SPAG16: variants seen among roughly 807,000 people sequenced by gnomAD.
SPAG16 encodes the protein sperm-associated antigen 16 protein.
A neutral mutation model predicts 80.4 loss-of-function variants in SPAG16; 86 were observed. That is an observed-to-expected ratio of 1.07 (90% CI 0.90 to 1.28). The LOEUF is 1.28. Among genes scored for constraint, SPAG16 ranks in the 50% most tolerant of loss-of-function variants. The pLI, the probability that SPAG16 is intolerant of heterozygous loss-of-function variation, is 0.00. For missense variants in SPAG16, 870 were observed against 765.3 expected (o/e 1.14, Z -1.61); for synonymous variants, 294 against 265.9 (o/e 1.11, Z -1.03).
At chr2:213,528,579 A>G (rs904616924) in intron 10 of SPAG16, among the ~76,000 whole-genome samples, 6 of 152,242 alleles carry the variant, frequency 3.9e-5, no homozygotes, top group African/African-American at 1.4e-4. Flanking sequence ...ACCAGAAGTG[A>G]CTTGTTACTT....
chr2:214,210,105 A>T (rs894434417), intron 15 of SPAG16, among the ~76,000 whole-genome samples: 20 of 152,078 alleles, frequency 1.3e-4, no homozygotes, highest in African/African-American at 4.6e-4. Context: ...ATCAGCTGAA[A>T]CTCCAGGACA....
rs536717145 is a variant in SPAG16 at position 213,786,226 on chromosome 2, A to ATT, written c.1071-76259_1071-76258insTT. On this transcript the variant is annotated intron_variant, in intron 10 of 15. Transcript: ENST00000331683. ...AAGGAAACTTTCATCGTCCCATTTA[A>ATT]CATTTGCGCTTCTGTCGTAAAAGAA... Among the ~76,000 whole-genome samples, 148 of 152,238 alleles carry ATT rather than the reference A, an allele frequency of 9.7e-4. 1 individual carries two copies. Among genetic ancestry groups the ATT allele is most frequent in the African/African-American group, 3.4e-3 (141 of 41,554 alleles).
chr2:213,831,608 G>A (rs2073663134), intron 10 of SPAG16, among the ~76,000 whole-genome samples: 1 of 151,842 alleles, frequency 6.6e-6, no homozygotes, highest in South Asian at 2.1e-4. Context: ...TTTGTGTCAT[G>A]GATTTTCATT....
intron 7 of SPAG16, among the ~76,000 whole-genome samples, chr2:213,357,053 G>A (rs1461759050): frequency 6.6e-6 from 1 of 152,156 alleles, no homozygotes; most frequent in African/African-American, 2.4e-5. Context: ...ATGTAGTTGT[G>A]TGGTTTTGAG....
chr2:213,804,660 G>T (rs1378433842), intron 10 of SPAG16, among the ~76,000 whole-genome samples: 1 of 151,856 alleles, frequency 6.6e-6, no homozygotes, highest in Non-Finnish European at 1.5e-5. Flanking sequence ...TCCAGCTTGG[G>T]CGACAGAGCG....
At chr2:213,858,919 G>A (rs1201002797) in intron 10 of SPAG16, among the ~76,000 whole-genome samples, 1 of 151,740 alleles carries the variant, frequency 6.6e-6, no homozygotes, top group Non-Finnish European at 1.5e-5. Flanking sequence ...AGTGGCTCAC[G>A]CCTGTAATCC....
intron 15 of SPAG16, among the ~76,000 whole-genome samples, chr2:214,177,259 A>T (rs1274114509): frequency 6.6e-6 from 1 of 151,082 alleles, no homozygotes; most frequent in African/African-American, 2.4e-5. Flanking sequence ...AATTTTCCTT[A>T]ACTTCTTTTT....
intron 7 of SPAG16, among the ~76,000 whole-genome samples, chr2:213,352,390 G>A (rs2065382352): frequency 6.6e-6 from 1 of 151,996 alleles, no homozygotes; most frequent in South Asian, 2.1e-4. Flanking sequence ...TCTATATCCT[G>A]AGGTATTAGG....
intron 13 of SPAG16, among the ~76,000 whole-genome samples, chr2:214,044,307 G>T (rs2049192675): frequency 6.6e-6 from 1 of 152,128 alleles, no homozygotes; most frequent in South Asian, 2.1e-4. Context: ...TGCTATAAAT[G>T]TCATGTTCAT....
chr2:213,466,836 G>A (rs2072725383), intron 9 of SPAG16, among the ~76,000 whole-genome samples: 1 of 152,188 alleles, frequency 6.6e-6, no homozygotes, highest in Admixed American at 6.5e-5. Flanking sequence ...CCAAACAGGT[G>A]GGGGCTGTCT....
Position 213,422,191 on chromosome 2 carries a change from C to G in SPAG16, c.942+47072C>G, listed in dbSNP as rs181036234. The G allele has an allele frequency of 8.8e-5, 62 of 701,152 alleles. No individual in the cohort carries two copies. The African/African-American group carries it at 1.0e-3, about 11-fold the overall frequency. The allele number at this position is 701,152 out of a possible 1,614,324, so 43.4% of individuals were successfully genotyped here. ...CCTTCAGGGAGCCCAGACCTAGAAG[C>G]TCCACGAGCCAGTGCTGTGACACCC... is the stretch of plus-strand genomic sequence containing the variant. On this transcript the variant is annotated intron_variant, in intron 9 of 15. Coordinates refer to ENST00000331683, the MANE Select transcript of SPAG16 (RefSeq NM_024532.5).
At chr2:214,346,687 A>C (rs562268666) in intron 15 of SPAG16, among the ~76,000 whole-genome samples, 1 of 152,308 alleles carries the variant, frequency 6.6e-6, no homozygotes, top group East Asian at 1.9e-4. Flanking sequence ...CCTGAACCAC[A>C]AGGTACAAAG....
chr2:213,949,179 T>TTTTTTTTTTTTTTTTTTTGTTTTTG (rs1553677674), intron 12 of SPAG16, among the ~76,000 whole-genome samples: 1 of 36,264 alleles, frequency 2.8e-5, no homozygotes, highest in East Asian at 1.0e-3. Flanking sequence ...GTTTTTTTTT[T>TTTTTTTTTTTTTTTTTTTGTTTTTG]TTTTTTTTTT....
chr2:214,048,778 T>A (rs2049478064), intron 13 of SPAG16, among the ~76,000 whole-genome samples: 1 of 152,198 alleles, frequency 6.6e-6, no homozygotes, highest in Non-Finnish European at 1.5e-5. Flanking sequence ...TTATTACACA[T>A]TGCATGCCTG....
intron 10 of SPAG16, among the ~76,000 whole-genome samples, chr2:213,498,184 T>C (rs1449190195): frequency 6.6e-6 from 1 of 152,162 alleles, no homozygotes; most frequent in African/African-American, 2.4e-5. Context: ...GTAGTTTTGA[T>C]TTAGGTGAAG....
At chr2:213,698,321 G>A (rs1376398515) in intron 10 of SPAG16, among the ~76,000 whole-genome samples, 1 of 152,028 alleles carries the variant, frequency 6.6e-6, no homozygotes, top group African/African-American at 2.4e-5. Context: ...GAGTGTAGTG[G>A]CACAATCATG....
At chr2:213,711,049 T>C (rs2065963081) in intron 10 of SPAG16, among the ~76,000 whole-genome samples, 1 of 152,210 alleles carries the variant, frequency 6.6e-6, no homozygotes. Flanking sequence ...TGTAATATGC[T>C]AAGTATTTGA....
intron 10 of SPAG16, among the ~76,000 whole-genome samples, chr2:213,684,037 G>C (rs1399084890): frequency 1.3e-5 from 2 of 152,190 alleles, no homozygotes; most frequent in African/African-American, 4.8e-5. Context: ...AATTCATTCT[G>C]ACTGTAGGCT....
At chr2:213,651,281 G>C (rs1217446012) in intron 10 of SPAG16, among the ~76,000 whole-genome samples, 1 of 152,130 alleles carries the variant, frequency 6.6e-6, no homozygotes, top group East Asian at 1.9e-4. Context: ...TCTAGGGCAG[G>C]ATCAGTCAGG....
Sources: gnomAD v4.1 joint callset for allele counts (sites outside exome capture counted in the v4.1 genomes callset) on GRCh38, gnomAD v4.1.1 for gene constraint, MANE v1.5 for transcripts, NCBI Gene and HGNC (gene_info 2026-07-23, HGNC 2026-07-21) for gene names.